JMJD1C: variants seen among roughly 807,000 people sequenced by gnomAD.
The protein encoded by JMJD1C is jumonji domain containing 1C, also known as jumonji domain-containing protein 1C.
A neutral mutation model predicts 245.3 loss-of-function variants in JMJD1C; 31 were observed. That is an observed-to-expected ratio of 0.13 (90% CI 0.09 to 0.17). JMJD1C has a LOEUF of 0.17. Ranked by LOEUF, JMJD1C falls within the 10% of genes least tolerant of loss-of-function variation. The pLI is 1.00. For missense variants in JMJD1C, 2,691 were observed against 3,000.2 expected, an observed-to-expected ratio of 0.90 and a Z score of 2.41; for synonymous variants, 1,057 against 1,017.4, an observed-to-expected ratio of 1.04 and a Z score of -0.74.
At chr10:63,243,503 G>T (rs910902907) in intron 3 of JMJD1C, among the ~76,000 whole-genome samples, 1 of 152,120 alleles carries the variant, frequency 6.6e-6, no homozygotes, top group African/African-American at 2.4e-5. Flanking sequence ...TCCAGCATGG[G>T]CAAGAAGAGC....
intron 2 of JMJD1C, among the ~76,000 whole-genome samples, chr10:63,305,680 G>GTGTA (rs1564761658): frequency 7.3e-6 from 1 of 137,078 alleles, no homozygotes; most frequent in Admixed American, 7.3e-5. Flanking sequence ...GTGTGTGTGT[G>GTGTA]TGTTGAAAGA....
chr10:63,476,180 A>G (rs1953654674), intron 1 of JMJD1C, among the ~76,000 whole-genome samples: 1 of 151,592 alleles, frequency 6.6e-6, no homozygotes, highest in Non-Finnish European at 1.5e-5. Flanking sequence ...ACCGCACTCC[A>G]GCCTGGGCGA....
rs74597206 is a variant in JMJD1C at position 63,281,692 on chromosome 10, G to A, written c.334-16928C>T. Among the ~76,000 whole-genome samples, 9 of 151,242 alleles carry A rather than the reference G, an allele frequency of 6.0e-5. No individual in the cohort carries two copies. In the East Asian group the frequency reaches 1.2e-3, roughly 20 times the overall value. On this transcript the variant is annotated intron_variant, in intron 2 of 25. Coordinates refer to ENST00000399262, the MANE Select transcript of JMJD1C (RefSeq NM_032776.3). ...TCACCATGTTAGCCAGGATGGTCTC[G>A]ATCTCCTGACCTCGTGATCTACCAC...
At chr10:63,308,086 G>GGCTGCAGTGAGCTGAGATTGAGCC (rs1303518849) in intron 2 of JMJD1C, among the ~76,000 whole-genome samples, 1 of 152,072 alleles carries the variant, frequency 6.6e-6, no homozygotes, top group African/African-American at 2.4e-5. Context: ...AGTAGGTGAA[G>GGCTGCAGTGAGCTGAGATTGAGCC]GCTGCAGTGA....
chr10:63,192,432 G>A (rs1415687310), intron 16 of JMJD1C, among the ~76,000 whole-genome samples: 2 of 152,118 alleles, frequency 1.3e-5, no homozygotes, highest in African/African-American at 4.8e-5. Flanking sequence ...GCTGGGCATG[G>A]TGATGCATGC....
chr10:63,211,853 C>CAA (rs1367507524), intron 8 of JMJD1C, among the ~76,000 whole-genome samples: 2 of 133,644 alleles, frequency 1.5e-5, no homozygotes, highest in South Asian at 4.7e-4. Context: ...AAAAACCCCA[C>CAA]AAAAAAACAA....
chr10:63,229,371 G>A (rs1370487897), intron 3 of JMJD1C, among the ~76,000 whole-genome samples: 3 of 151,570 alleles, frequency 2.0e-5, no homozygotes, highest in Non-Finnish European at 4.4e-5. Context: ...GGCTACTCTG[G>A]GCACACTGCC....
chr10:63,266,213 AAT>A (rs1490301266), intron 2 of JMJD1C, among the ~76,000 whole-genome samples: 1 of 152,106 alleles, frequency 6.6e-6, no homozygotes, highest in Non-Finnish European at 1.5e-5. Flanking sequence ...TAGTCACAGT[AAT>A]ATCCTCTCTC....
intron 2 of JMJD1C, among the ~76,000 whole-genome samples, chr10:63,266,810 G>A (rs1855629072): frequency 2.0e-5 from 3 of 152,090 alleles, no homozygotes; most frequent in Admixed American, 1.3e-4. Context: ...TCTTTCTTAC[G>A]CAAATAATAC....
At chr10:63,312,051 G>C (rs1382271344) in intron 2 of JMJD1C, among the ~76,000 whole-genome samples, 1 of 146,906 alleles carries the variant, frequency 6.8e-6, no homozygotes, top group African/African-American at 2.5e-5. Flanking sequence ...TTCATAGTAA[G>C]TAATACTTCT....
intron 2 of JMJD1C, among the ~76,000 whole-genome samples, chr10:63,355,325 T>C (rs1444366680): frequency 6.6e-6 from 1 of 152,194 alleles, no homozygotes; most frequent in Non-Finnish European, 1.5e-5. Context: ...TGACATTAAG[T>C]ACAAACCACA....
rs1348215022 is a variant in JMJD1C, at chr10:63,490,424, T to TTA, written n.113+31313_113+31314insTA. ...ATCTATAATTATTTATTTATTTTAT[T>TTA]TTTTTTTTTTGAGACAAAGTCTCAC... On this transcript the variant is annotated intron_variant and non_coding_transcript_variant, in intron 1 of 3. Coordinates refer to the JMJD1C transcript ENST00000633035. Among the ~76,000 whole-genome samples the TTA allele has an allele frequency of 3.6e-4, 52 of 145,616 alleles. No homozygotes were observed. The South Asian group carries it at 4.4e-3, about 12-fold the overall frequency.
intron 3 of JMJD1C, among the ~76,000 whole-genome samples, chr10:63,237,416 T>G (rs889478430): frequency 6.6e-6 from 1 of 152,248 alleles, no homozygotes; most frequent in Non-Finnish European, 1.5e-5. Context: ...CGAAGTTTTT[T>G]GGGCTGATTT....
chr10:63,404,283 C>T (rs921709601), intron 1 of JMJD1C, among the ~76,000 whole-genome samples: 3 of 152,076 alleles, frequency 2.0e-5, no homozygotes, highest in African/African-American at 7.2e-5. Context: ...GAAGAACCAA[C>T]AGATAAATTG....
intron 1 of JMJD1C, among the ~76,000 whole-genome samples, chr10:63,402,210 G>A (rs1948908464): frequency 6.6e-6 from 1 of 151,296 alleles, no homozygotes; most frequent in South Asian, 2.1e-4. Flanking sequence ...GCTAAAAAAT[G>A]GTCAAAATTC....
At chr10:63,346,431 C>G (rs1269831124) in intron 2 of JMJD1C, among the ~76,000 whole-genome samples, 1 of 152,220 alleles carries the variant, frequency 6.6e-6, no homozygotes. Context: ...TGCAACCTAA[C>G]TTATTAGGTA....
At chr10:63,424,195 G>T (rs1482296308) in intron 1 of JMJD1C, among the ~76,000 whole-genome samples, 4 of 151,212 alleles carry the variant, frequency 2.6e-5, no homozygotes, top group Non-Finnish European at 5.9e-5. Context: ...CTGAGTAGCA[G>T]CTGGGACTAC....
At chr10:63,334,318 C>G (rs185540556) in intron 2 of JMJD1C, among the ~76,000 whole-genome samples, 1 of 152,254 alleles carries the variant, frequency 6.6e-6, no homozygotes, top group Admixed American at 6.5e-5. Flanking sequence ...ATTTGGATTT[C>G]ATTTAATAAA....
chr10:63,325,651 C>T (rs1486381732), intron 2 of JMJD1C, among the ~76,000 whole-genome samples: 1 of 152,172 alleles, frequency 6.6e-6, no homozygotes, highest in Non-Finnish European at 1.5e-5. Flanking sequence ...TATCTAATTA[C>T]TAAATTCAAT....
Sources: allele counts gnomAD v4.1 joint callset (sites outside exome capture counted in the v4.1 genomes callset), GRCh38; gene constraint gnomAD v4.1.1; transcripts MANE v1.5; gene names NCBI Gene and HGNC (gene_info 2026-07-23, HGNC 2026-07-21).